C16orf96: variants seen among roughly 807,000 people sequenced by gnomAD.
C16orf96 encodes chromosome 16 open reading frame 96.
C16orf96 carries 108 observed loss-of-function variants against 103.6 expected under a neutral mutation model. The observed-to-expected ratio is 1.04, with a 90% CI of 0.89 to 1.22. The LOEUF (loss-of-function observed/expected upper bound fraction) is 1.22, where lower values mean the gene tolerates loss of function less well. C16orf96 is among the 50% of genes most tolerant of loss of function. C16orf96 has a pLI of 0.00. For missense variants in C16orf96, 1,586 were observed against 1,464.2 expected (o/e 1.08, Z -1.36); for synonymous variants, 566 against 593.5 (o/e 0.95, Z 0.67).
chr16:4,547,672 G>GCTTC, the C16orf96 span, among the ~76,000 whole-genome samples: 2,269 of 104,946 alleles, frequency 0.022, 176 homozygotes, highest in African/African-American at 0.068. Context: ...TTCCTTCCTT[G>GCTTC]CTTCCTTCCT....
At chr16:4,594,597 A>G in intron 13 of C16orf96, 87 bp downstream of exon 13, 1 of 1,537,780 alleles carries the variant, frequency 6.5e-7, no homozygotes. Flanking sequence ...AGCAGTGGGC[A>G]ACCCCAGCAG....
At chr16:4,580,377 G>A (rs1324348243) in intron 7 of C16orf96, among the ~76,000 whole-genome samples, 1 of 130,340 alleles carries the variant, frequency 7.7e-6, no homozygotes, top group Non-Finnish European at 1.5e-5. Context: ...TGCGTCACCT[G>A]CCCCTGGAAG....
intron 9 of C16orf96, among the ~76,000 whole-genome samples, chr16:4,591,062 C>T (rs1283644888): frequency 6.6e-6 from 1 of 151,666 alleles, no homozygotes; most frequent in Non-Finnish European, 1.5e-5. Flanking sequence ...TAACACGCAC[C>T]TGTAGTCCCA....
chr16:4,584,163 C>G (rs1896858700), intron 7 of C16orf96, among the ~76,000 whole-genome samples: 1 of 152,078 alleles, frequency 6.6e-6, no homozygotes, highest in Non-Finnish European at 1.5e-5. Context: ...CTGTCTTGCT[C>G]TCCACCATGT....
upstream of C16orf96, among the ~76,000 whole-genome samples, chr16:4,555,317 A>C (rs1014992262): frequency 1.4e-4 from 13 of 93,838 alleles, no homozygotes; most frequent in Non-Finnish European, 2.3e-4. Context: ...CACACGAGAA[A>C]ATGGAACACT....
chr16:4,576,638 A>G lies in C16orf96; in HGVS notation c.2155+3A>G, dbSNP rs1195444800. ...GAACCAGCGCTTGAGTTATCTAGGT[A>G]GGCCTGGTCTGGCCCTGGGAAGGGC... On this transcript the variant is annotated splice_donor_region_variant and intron_variant, in intron 5 of 15. Coordinates refer to ENST00000444310, the MANE Select transcript of C16orf96 (RefSeq NM_001145011.2). 1.3e-6 allele frequency: 2 copies of G among 1,548,098 alleles called. No individual in the cohort carries two copies. Among genetic ancestry groups the G allele is most frequent in the Non-Finnish European group, 1.7e-6 (2 of 1,145,082 alleles).
rs753186766 is a variant in C16orf96, at chr16:4,594,434, C to G, written c.2951C>G (p.Thr984Ser). The G allele has an allele frequency of 2.6e-6, 4 of 1,551,500 alleles. No homozygotes were observed. The South Asian group carries it at 3.6e-5, about 14-fold the overall frequency. ...TGGGGTGATGGCCCCCAAAACGCCA[C>G]CAGCCTCAAGTGCAAGTCCTGCAAC... ...QDWGDGPQNA[T>S]SLKCKSCNLL... Residue 984 changes from threonine to serine, a missense_variant, in exon 13 of 16, where the codon ACC becomes AGC. Transcript: ENST00000444310.
chr16:4,545,230 CAG>C, the C16orf96 span, among the ~76,000 whole-genome samples: 25 of 152,238 alleles, frequency 1.6e-4, no homozygotes, highest in East Asian at 4.6e-3. Flanking sequence ...TGTTTAGGGA[CAG>C]GGTCTGTTCT....
the C16orf96 span, among the ~76,000 whole-genome samples, chr16:4,547,461 A>G: frequency 6.7e-6 from 1 of 148,752 alleles, no homozygotes; most frequent in Non-Finnish European, 1.5e-5. Context: ...TTCAGTTTAC[A>G]TTAAATGTCC....
the C16orf96 span, among the ~76,000 whole-genome samples, chr16:4,551,107 G>A: frequency 0.01 from 1,547 of 152,232 alleles, 12 homozygotes; most frequent in Non-Finnish European, 0.015. Context: ...ACCCATCTCC[G>A]CAATAATAAA....
At chr16:4,565,909 C>G (rs1471755544) in intron 1 of C16orf96, among the ~76,000 whole-genome samples, 2 of 152,194 alleles carry the variant, frequency 1.3e-5, no homozygotes, top group Non-Finnish European at 2.9e-5. Flanking sequence ...GTGGTGCCAC[C>G]ATAGCTCACT....
intron 1 of C16orf96, among the ~76,000 whole-genome samples, chr16:4,570,232 A>G (rs567822781): frequency 1.3e-5 from 2 of 152,260 alleles, no homozygotes; most frequent in African/African-American, 4.8e-5. Context: ...TTCGGAATAA[A>G]TTCACTTTCT....
intron 1 of C16orf96, among the ~76,000 whole-genome samples, chr16:4,564,073 A>T (rs1436842291): frequency 6.6e-6 from 1 of 151,760 alleles, no homozygotes; most frequent in African/African-American, 2.4e-5. Flanking sequence ...GGAGGCTGAG[A>T]CAAGAGAATT....
the C16orf96 span, among the ~76,000 whole-genome samples, chr16:4,540,282 G>A: frequency 6.6e-6 from 1 of 152,222 alleles, no homozygotes; most frequent in Non-Finnish European, 1.5e-5. Flanking sequence ...AGGCCTCTCA[G>A]AGGAGGCGAT....
chr16:4,574,625 C>A, intron 2 of C16orf96, 84 bp from the exon 3 acceptor site: 3 of 1,085,164 alleles, frequency 2.8e-6, no homozygotes, highest in Non-Finnish European at 4.1e-6. Context: ...CCTTCTCAAG[C>A]TCTTAGTCAC....
At chr16:4,553,041 G>T (rs1248038239), upstream of C16orf96, among the ~76,000 whole-genome samples, 1 of 152,164 alleles carries the variant, frequency 6.6e-6, no homozygotes, top group African/African-American at 2.4e-5. Context: ...AGAAGAAAGA[G>T]AAGGTCTCTA....
chr16:4,566,441 C>G (rs1430615763), intron 1 of C16orf96, among the ~76,000 whole-genome samples: 1 of 152,148 alleles, frequency 6.6e-6, no homozygotes, highest in Non-Finnish European at 1.5e-5. Context: ...TGTTGAGCAT[C>G]TTTTCTTTTT....
chr16:4,577,196 A>T (rs1251816968), intron 5 of C16orf96, among the ~76,000 whole-genome samples: 6 of 151,300 alleles, frequency 4.0e-5, no homozygotes, highest in African/African-American at 1.5e-4. Context: ...TGTCTCAAAA[A>T]CAACAACAAC....
intron 1 of C16orf96, among the ~76,000 whole-genome samples, chr16:4,565,374 A>T (rs1445806724): frequency 6.6e-6 from 1 of 152,142 alleles, no homozygotes; most frequent in East Asian, 1.9e-4. Flanking sequence ...CTTCCCCAGG[A>T]CAGGAGTCCA....
Sources: allele counts gnomAD v4.1 joint callset (sites outside exome capture counted in the v4.1 genomes callset), GRCh38; gene constraint gnomAD v4.1.1; transcripts MANE v1.5; gene names NCBI Gene and HGNC (gene_info 2026-07-23, HGNC 2026-07-21).